CNTNAP2: variants seen among roughly 807,000 people sequenced by gnomAD.
CNTNAP2 encodes the protein contactin associated protein 2, also known as contactin-associated protein-like 2.
A neutral mutation model predicts 155.2 loss-of-function variants in CNTNAP2; 98 were observed. That is an observed-to-expected ratio of 0.63 (90% confidence interval 0.54 to 0.75). CNTNAP2 has a LOEUF of 0.75. Ranked by LOEUF, CNTNAP2 falls within the 30% of genes least tolerant of loss-of-function variation. CNTNAP2 has a pLI of 0.00. For missense variants in CNTNAP2, 1,727 were observed against 1,688.1 expected, an observed-to-expected ratio of 1.02 and a Z score of -0.40; for synonymous variants, 651 against 631.2, an observed-to-expected ratio of 1.03 and a Z score of -0.47.
At chr7:147,351,193 T>G (rs1173963486) in intron 9 of CNTNAP2, among the ~76,000 whole-genome samples, 1 of 151,840 alleles carries the variant, frequency 6.6e-6, no homozygotes, top group Non-Finnish European at 1.5e-5. Context: ...CTACAATATA[T>G]TAAGCCCTGA....
At chr7:147,027,004 G>GAAAAAAAAAAAAACAA (rs1798934918) in intron 3 of CNTNAP2, among the ~76,000 whole-genome samples, 1 of 67,432 alleles carries the variant, frequency 1.5e-5, no homozygotes, top group Non-Finnish European at 2.9e-5. Context: ...AAACAGAACA[G>GAAAAAAAAAAAAACAA]AAAAAAAAAA....
At chr7:146,702,035 C>T (rs1800886503) in intron 1 of CNTNAP2, among the ~76,000 whole-genome samples, 3 of 152,122 alleles carry the variant, frequency 2.0e-5, no homozygotes, top group East Asian at 3.9e-4. Context: ...CTATATTGTA[C>T]TTTATTTGAA....
At chr7:146,648,031 A>G (rs1162355329) in intron 1 of CNTNAP2, among the ~76,000 whole-genome samples, 1 of 152,076 alleles carries the variant, frequency 6.6e-6, no homozygotes, top group South Asian at 2.1e-4. Context: ...GGATCTGGCT[A>G]TAGTCATTTC....
At chr7:146,912,850 C>A in intron 3 of CNTNAP2, among the ~76,000 whole-genome samples, 1 of 152,118 alleles carries the variant, frequency 6.6e-6, no homozygotes, top group African/African-American at 2.4e-5. Context: ...ATATTGTTGC[C>A]TCTTTATTCT....
chr7:146,399,696 T>C (rs1487414533), intron 1 of CNTNAP2, among the ~76,000 whole-genome samples: 1 of 152,170 alleles, frequency 6.6e-6, no homozygotes, highest in African/African-American at 2.4e-5. Context: ...AGAAGTGTGA[T>C]TGCTGTACCA....
intron 18 of CNTNAP2, among the ~76,000 whole-genome samples, chr7:148,196,643 A>G (rs1183727950): frequency 6.6e-6 from 1 of 152,240 alleles, no homozygotes; most frequent in East Asian, 1.9e-4. Context: ...TTTTACTAAC[A>G]TGAAAACTGA....
intron 3 of CNTNAP2, among the ~76,000 whole-genome samples, chr7:146,900,779 C>T (rs527267801): frequency 6.6e-6 from 1 of 152,142 alleles, no homozygotes; most frequent in East Asian, 1.9e-4. Context: ...AGAATACTTA[C>T]TGAATTTCAT....
chr7:147,595,052 C>G (rs1241547320), intron 12 of CNTNAP2, among the ~76,000 whole-genome samples: 1 of 152,046 alleles, frequency 6.6e-6, no homozygotes, highest in African/African-American at 2.4e-5. Context: ...TTCCCTCCTC[C>G]CCTCACTTTC....
chr7:147,979,742 C>A (rs1039751058), intron 15 of CNTNAP2, among the ~76,000 whole-genome samples: 6 of 152,136 alleles, frequency 3.9e-5, no homozygotes, highest in African/African-American at 1.4e-4. Context: ...CCAGCCTCAG[C>A]CTCCCAAGTA....
In CNTNAP2 at chr7:148,108,451, C is replaced by T. The variant is rs1439931128; in HGVS notation, c.2384-9667C>T. Among the ~76,000 whole-genome samples the T allele has an allele frequency of 5.3e-5, 8 of 151,544 alleles. No individual in the cohort carries two copies. The South Asian group carries it at 1.0e-3, about 20-fold the overall frequency. On this transcript the variant is annotated intron_variant, in intron 15 of 23. Coordinates refer to ENST00000361727, the MANE Select transcript of CNTNAP2 (RefSeq NM_014141.6). ...GGGAGCAGAGGAAGGAAAGAGATGACGAGGACAAAAGGGCAGACATGGGTG... is the reference window on the plus strand; with the variant it reads ...GGGAGCAGAGGAAGGAAAGAGATGATGAGGACAAAAGGGCAGACATGGGTG...
Position 148,305,222 on chromosome 7 carries a change from CA to C in CNTNAP2, c.3475+38126del, listed in dbSNP as rs34005083. Among the ~76,000 whole-genome samples, 191 of 51,902 alleles carry C rather than the reference CA, an allele frequency of 3.7e-3. 1 individual carries two copies. Among genetic ancestry groups the C allele is most frequent in the African/African-American group, 0.012 (174 of 14,124 alleles). The allele number at this position is 51,902 out of a possible 152,430, so 34.0% of individuals were successfully genotyped here. ...TGGGTGAAAGACCAAGGCCCTGTCT[CA>C]AAAAAAAAAAAAAAAAAAAAAAAAA... On this transcript the variant is annotated intron_variant, in intron 21 of 23. Coordinates refer to ENST00000361727, the MANE Select transcript of CNTNAP2 (RefSeq NM_014141.6).
chr7:147,791,237 G>A (rs1294010075), intron 13 of CNTNAP2, among the ~76,000 whole-genome samples: 1 of 151,620 alleles, frequency 6.6e-6, no homozygotes, highest in Non-Finnish European at 1.5e-5. Context: ...TTTCATTTCT[G>A]TGTTGATTTT....
chr7:147,887,096 C>T (rs1799614730), intron 13 of CNTNAP2, among the ~76,000 whole-genome samples: 1 of 152,218 alleles, frequency 6.6e-6, no homozygotes, highest in African/African-American at 2.4e-5. Context: ...CTCTCCCTTG[C>T]TTTAAAACCT....
intron 13 of CNTNAP2, among the ~76,000 whole-genome samples, chr7:147,860,519 G>T (rs13224812): frequency 3.3e-5 from 5 of 150,364 alleles, no homozygotes; most frequent in Admixed American, 6.6e-5. Flanking sequence ...GAACCCAGGA[G>T]GCAGAGGTTG....
At chr7:146,392,426 G>T (rs1795558231) in intron 1 of CNTNAP2, among the ~76,000 whole-genome samples, 1 of 152,040 alleles carries the variant, frequency 6.6e-6, no homozygotes, top group African/African-American at 2.4e-5. Flanking sequence ...AAAGAAGGAT[G>T]AATCAAAATT....
intron 1 of CNTNAP2, among the ~76,000 whole-genome samples, chr7:146,205,267 C>T (rs1276880034): frequency 6.6e-6 from 1 of 151,820 alleles, no homozygotes; most frequent in Non-Finnish European, 1.5e-5. Flanking sequence ...TAAATGAATC[C>T]CCATCAGTCT....
intron 13 of CNTNAP2, among the ~76,000 whole-genome samples, chr7:147,876,258 C>T (rs1799417455): frequency 6.6e-6 from 1 of 152,154 alleles, no homozygotes; most frequent in South Asian, 2.1e-4. Flanking sequence ...CCTTTGCTTA[C>T]TGACATGTAT....
chr7:147,627,287 A>G (rs530003724), intron 12 of CNTNAP2, among the ~76,000 whole-genome samples: 1 of 152,220 alleles, frequency 6.6e-6, no homozygotes, highest in Non-Finnish European at 1.5e-5. Context: ...AGATCATACC[A>G]GCTCCCCAGC....
chr7:147,267,852 A>T (rs949209869), intron 8 of CNTNAP2, among the ~76,000 whole-genome samples: 2 of 152,118 alleles, frequency 1.3e-5, no homozygotes, highest in African/African-American at 4.8e-5. Context: ...TACCCTGACA[A>T]TCCTCAGTTC....
Sources: gnomAD v4.1 joint callset for allele counts (sites outside exome capture counted in the v4.1 genomes callset) on GRCh38, gnomAD v4.1.1 for gene constraint, MANE v1.5 for transcripts, NCBI Gene and HGNC (gene_info 2026-07-23, HGNC 2026-07-21) for gene names.